VWA3B: variants seen among roughly 807,000 people sequenced by gnomAD.
VWA3B encodes the protein von Willebrand factor A domain containing 3B.
In VWA3B, 138 loss-of-function variants were observed where a neutral mutation model predicts 158.3. That is an observed-to-expected ratio of 0.87 (90% CI 0.76 to 1.00). VWA3B has a LOEUF of 1.00. Among genes scored for constraint, VWA3B ranks in the 50% least tolerant of loss-of-function variants. The pLI is 0.00. For missense variants in VWA3B, 1,555 were observed against 1,565.1 expected (o/e 0.99, Z 0.11); for synonymous variants, 596 against 587.3 (o/e 1.01, Z -0.21).
At position 98,312,032 on chromosome 2, in the gene VWA3B, G is replaced by C; in HGVS notation, c.3735G>C (p.Arg1245Ser). The part of the protein sequence containing the change: ...GSCQGTHPEP[R>S]TAHLHFPAAG... ...GCCAGGGGACACACCCCGAGCCCAG[G>C]GTTTGGGTGATGGGGGGGGAACACA... Residue 1245 changes from arginine (R) to serine (S), a missense_variant and splice_region_variant, in exon 27 of 28, where the codon AGG (arginine) becomes AGC (serine). Physicochemically the swap from Arg to Ser is moderately radical, Grantham distance 110 (BLOSUM62 -1). Transcript: ENST00000477737. 1 of 1,593,788 alleles carries C rather than the reference G, an allele frequency of 6.3e-7. No individual in the cohort carries two copies. Among genetic ancestry groups the C allele is most frequent in the Admixed American group, 1.8e-5 (1 of 56,778 alleles).
chr2:98,272,572 G>T (rs1688268224), intron 22 of VWA3B, among the ~76,000 whole-genome samples: 1 of 152,118 alleles, frequency 6.6e-6, no homozygotes, highest in Non-Finnish European at 1.5e-5. Flanking sequence ...GAGGTTGGGG[G>T]TTGGCGCTGA....
chr2:98,089,873 G>A (rs997301216), intron 1 of VWA3B, among the ~76,000 whole-genome samples: 4 of 151,992 alleles, frequency 2.6e-5, no homozygotes, highest in Admixed American at 6.6e-5. Context: ...GGACTGGGGC[G>A]TGCACCTTAG....
chr2:98,220,089 G>T (rs948400639), intron 14 of VWA3B, among the ~76,000 whole-genome samples: 1 of 146,996 alleles, frequency 6.8e-6, no homozygotes, highest in South Asian at 2.2e-4. Flanking sequence ...ACTTGAACCC[G>T]GGAGGCAGAG....
chr2:98,206,336 TGTG>T (rs1178207105), intron 12 of VWA3B: 1 of 183,232 alleles, frequency 5.5e-6, no homozygotes, highest in Non-Finnish European at 1.2e-5. Flanking sequence ...CTGGGTGTAT[TGTG>T]GTGGTCATTG....
At chr2:98,232,369 C>CT (rs1385007642) in intron 16 of VWA3B, among the ~76,000 whole-genome samples, 1 of 152,020 alleles carries the variant, frequency 6.6e-6, no homozygotes, top group East Asian at 1.9e-4. Flanking sequence ...CTCTTTTTGC[C>CT]TTTTTTCTAT....
downstream of VWA3B, among the ~76,000 whole-genome samples, chr2:98,317,334 C>A (rs1025681526): frequency 4.1e-4 from 63 of 152,144 alleles, no homozygotes; most frequent in African/African-American, 1.4e-3. Context: ...ATTCTAAACC[C>A]CCCCCAGCCA....
chr2:98,209,354 C>T (rs1018691080), intron 12 of VWA3B, among the ~76,000 whole-genome samples: 1 of 152,048 alleles, frequency 6.6e-6, no homozygotes, highest in African/African-American at 2.4e-5. Context: ...GATCTCGGCT[C>T]ACTGCAAGCT....
At chr2:98,119,794 T>G (rs1228742286) in intron 4 of VWA3B, 31 bp downstream of exon 4, 3 of 1,608,580 alleles carry the variant, frequency 1.9e-6, no homozygotes, top group Non-Finnish European at 2.6e-6. Context: ...AGTATTTTAG[T>G]GAAAGTTCAT....
At chr2:98,114,189 A>G (rs956661394) in intron 2 of VWA3B, among the ~76,000 whole-genome samples, 1 of 152,206 alleles carries the variant, frequency 6.6e-6, no homozygotes, top group Non-Finnish European at 1.5e-5. Flanking sequence ...AATGCCTTAC[A>G]TTTCAATTCC....
chr2:98,292,512 T>C (rs191972884), intron 23 of VWA3B, among the ~76,000 whole-genome samples: 1 of 152,240 alleles, frequency 6.6e-6, no homozygotes, highest in Admixed American at 6.5e-5. Flanking sequence ...GGCTAAGGCA[T>C]GACACCCTTC....
At chr2:98,207,333 G>A in intron 12 of VWA3B, 2 of 486,692 alleles carry the variant, frequency 4.1e-6, no homozygotes, top group East Asian at 1.0e-4. Flanking sequence ...ATCTACATGT[G>A]GATCCTCTGG....
chr2:98,265,894 TG>T (rs1687791113), intron 21 of VWA3B, among the ~76,000 whole-genome samples: 1 of 117,524 alleles, frequency 8.5e-6, no homozygotes, highest in African/African-American at 3.4e-5. Flanking sequence ...TGGGGTTGTT[TG>T]TTTTTTTCTT....
intron 22 of VWA3B, among the ~76,000 whole-genome samples, chr2:98,281,647 C>A (rs72933220): frequency 0.18 from 27,574 of 152,140 alleles, 2,731 homozygotes; most frequent in Admixed American, 0.28. Context: ...ATTTCACTAT[C>A]TCCACCACCA....
chr2:98,258,699 T>A (rs375105017), intron 21 of VWA3B, among the ~76,000 whole-genome samples: 1 of 151,896 alleles, frequency 6.6e-6, no homozygotes, highest in East Asian at 1.9e-4. Flanking sequence ...CCTTGCAACT[T>A]TGCTGAATTT....
At chr2:98,216,318 C>T (rs192489623) in intron 13 of VWA3B, among the ~76,000 whole-genome samples, 1 of 152,322 alleles carries the variant, frequency 6.6e-6, no homozygotes, top group African/African-American at 2.4e-5. Context: ...CTGGGAACAG[C>T]CCCATGCAGC....
chr2:98,139,857 G>A (rs1676621109), intron 7 of VWA3B, among the ~76,000 whole-genome samples: 1 of 152,138 alleles, frequency 6.6e-6, no homozygotes, highest in South Asian at 2.1e-4. Flanking sequence ...GGTCCCCTCA[G>A]GCTGTGGAAG....
At chr2:98,158,542 G>A (rs745362401) in intron 7 of VWA3B, among the ~76,000 whole-genome samples, 3 of 152,210 alleles carry the variant, frequency 2.0e-5, no homozygotes, top group Non-Finnish European at 4.4e-5. Context: ...GTGTTCTTGG[G>A]AATTGGAGGT....
intron 8 of VWA3B, among the ~76,000 whole-genome samples, chr2:98,178,953 G>A (rs1160871983): frequency 6.6e-6 from 1 of 152,188 alleles, no homozygotes; most frequent in African/African-American, 2.4e-5. Flanking sequence ...TAGGGCTCCC[G>A]TGGTCCCAGT....
At chr2:98,230,263 A>G (rs1685244038) in intron 16 of VWA3B, 56 bp downstream of exon 16, 17 of 1,445,208 alleles carry the variant, frequency 1.2e-5, no homozygotes, top group Non-Finnish European at 1.6e-5. Context: ...AGGCAAGAAG[A>G]TAGAATAAAA....
Sources: allele counts gnomAD v4.1 joint callset (sites outside exome capture counted in the v4.1 genomes callset), GRCh38; gene constraint gnomAD v4.1.1; transcripts MANE v1.5; gene names NCBI Gene and HGNC (gene_info 2026-07-23, HGNC 2026-07-21).